PTPRR: variants seen among roughly 807,000 people sequenced by gnomAD.
PTPRR encodes protein tyrosine phosphatase receptor type R, also known as receptor-type tyrosine-protein phosphatase R.
Under a neutral mutation model 77.2 loss-of-function variants are expected in PTPRR, and 38 were observed. The ratio of observed to expected loss-of-function variants is 0.49; its 90% confidence interval spans 0.38 to 0.65. The LOEUF (loss-of-function observed/expected upper bound fraction) is 0.65. Ranked by LOEUF, PTPRR falls within the 30% of genes least tolerant of loss-of-function variation. The pLI is 0.00. For missense variants in PTPRR, 744 were observed against 799.2 expected (o/e 0.93, Z 0.83); for synonymous variants, 299 against 283.1 (o/e 1.06, Z -0.57).
At chr12:70,801,892 T>C (rs1891622550) in intron 2 of PTPRR, among the ~76,000 whole-genome samples, 1 of 152,190 alleles carries the variant, frequency 6.6e-6, no homozygotes, top group African/African-American at 2.4e-5. Context: ...GATATTATGA[T>C]TGAACTCTTC....
chr12:70,672,561 C>T (rs1339226344), intron 10 of PTPRR: 28 of 1,359,844 alleles, frequency 2.1e-5, no homozygotes, highest in African/African-American at 2.9e-5. Context: ...ACACCTTCTA[C>T]CCTCTGGGCC....
chr12:70,727,220 C>T (rs751347570), intron 6 of PTPRR, among the ~76,000 whole-genome samples: 8 of 142,546 alleles, frequency 5.6e-5, no homozygotes, highest in Admixed American at 3.5e-4. Flanking sequence ...TTCCTAGTCC[C>T]GATTTTTTTT....
At chr12:70,658,883 G>GTTT (rs746595856) in intron 12 of PTPRR, among the ~76,000 whole-genome samples, 1,121 of 36,982 alleles carry the variant, frequency 0.03, 122 homozygotes, top group Non-Finnish European at 0.036. Flanking sequence ...TTTTGCTCTA[G>GTTT]TTTTTTTTTT....
chr12:70,774,714 A>G (rs1284009434), intron 2 of PTPRR, among the ~76,000 whole-genome samples: 1 of 152,208 alleles, frequency 6.6e-6, no homozygotes, highest in Non-Finnish European at 1.5e-5. Context: ...ATATCTATGT[A>G]TTTGAAGGCC....
rs1366177548 is a variant in PTPRR at position 70,678,417 on chromosome 12, T to C, written c.1497+5710A>G. Among the ~76,000 whole-genome samples the C allele has an allele frequency of 3.9e-5, 6 of 152,180 alleles. No homozygotes were observed. The East Asian group carries it at 1.2e-3, about 29-fold the overall frequency. ...TTTTCTATTTCTTCATTGTTCAATC[T>C]TGGAAGGTTGCATGTGTCCAGGAAT... On this transcript the variant is annotated intron_variant, in intron 10 of 13. Transcript: ENST00000283228.
At chr12:70,708,321 G>A (rs1303604373) in intron 6 of PTPRR, among the ~76,000 whole-genome samples, 4 of 151,962 alleles carry the variant, frequency 2.6e-5, no homozygotes, top group Non-Finnish European at 5.9e-5. Flanking sequence ...TGCTTTGACG[G>A]TTTTTCCAGT....
At chr12:70,864,817 G>A (rs767160600) in intron 2 of PTPRR, among the ~76,000 whole-genome samples, 1 of 152,156 alleles carries the variant, frequency 6.6e-6, no homozygotes, top group East Asian at 1.9e-4. Context: ...TTTTGTTGCT[G>A]TTGTTGTTTT....
intron 2 of PTPRR, among the ~76,000 whole-genome samples, chr12:70,793,684 G>A (rs971876987): frequency 2.0e-5 from 3 of 152,182 alleles, no homozygotes; most frequent in Admixed American, 1.3e-4. Context: ...TCCATCAAAC[G>A]AGGGTAATTT....
chr12:70,911,918 C>T (rs954774142), intron 1 of PTPRR, among the ~76,000 whole-genome samples: 2 of 152,144 alleles, frequency 1.3e-5, no homozygotes, highest in Non-Finnish European at 2.9e-5. Context: ...ATGACACTCT[C>T]TAAGACTGCA....
intron 13 of PTPRR, among the ~76,000 whole-genome samples, chr12:70,643,866 C>T (rs1400043394): frequency 1.3e-5 from 2 of 151,982 alleles, no homozygotes; most frequent in Non-Finnish European, 2.9e-5. Flanking sequence ...GTCAACTGAT[C>T]TCCTTAGCCT....
intron 6 of PTPRR, among the ~76,000 whole-genome samples, chr12:70,721,192 T>C (rs1343418503): frequency 6.6e-6 from 1 of 152,198 alleles, no homozygotes; most frequent in Non-Finnish European, 1.5e-5. Flanking sequence ...AGTTCTCCAG[T>C]TAGAAATAGG....
At position 70,778,395 on chromosome 12, in the gene PTPRR, G is replaced by A. The variant is rs117229203; in HGVS notation, c.358-13617C>T. 6.2e-3 allele frequency among the ~76,000 whole-genome samples: 936 copies of A among 152,086 alleles called. 1 individual carries two copies. The highest frequency in any genetic ancestry group is 7.8e-3 in the Non-Finnish European group (529 of 67,986). On this transcript the variant is annotated intron_variant, in intron 2 of 13. Coordinates refer to ENST00000283228, the MANE Select transcript of PTPRR (RefSeq NM_002849.4). ...TCTTTGGGTTGATAGTGCCTGTAAT[G>A]TGGTATGCCGTTATAGTCTACAGAT... is the stretch of plus-strand genomic sequence containing the variant.
rs1452345171 is a variant in PTPRR at position 70,684,917 on chromosome 12, TC to T, written c.1280-135del. The T allele has an allele frequency of 1.4e-4, 80 of 584,350 alleles. 1 individual carries two copies. The highest frequency in any genetic ancestry group is 6.2e-5 in the Non-Finnish European group (21 of 338,212). The allele number at this position is 584,350 out of a possible 1,614,324, so 36.2% of individuals were successfully genotyped here. On this transcript the variant is annotated intron_variant, in intron 8 of 13. Transcript: ENST00000283228. ...TGCATGTCAATGTTTGTCTTTGGTG[TC>T]CATTGCTTGATCCATATGTTTATTG...
Position 70,685,091 on chromosome 12 carries a change from A to G in PTPRR, c.1280-308T>C, listed in dbSNP as rs550959024. ...GCCCACTCTTATACTTTTGATCTGG[A>G]ATTTGTACCAGGTCTCCTCACTCCC... On this transcript the variant is annotated intron_variant, in intron 8 of 13. Coordinates refer to ENST00000283228, the MANE Select transcript of PTPRR (RefSeq NM_002849.4). 1.9e-4 allele frequency among the ~76,000 whole-genome samples: 29 copies of G among 152,176 alleles called. No individual in the cohort carries two copies. The South Asian group carries it at 5.6e-3, about 29-fold the overall frequency.
intron 8 of PTPRR, among the ~76,000 whole-genome samples, chr12:70,693,530 G>T (rs2063615): frequency 0.17 from 25,293 of 151,838 alleles, 2,385 homozygotes; most frequent in East Asian, 0.3. Context: ...AACTTTTTTT[G>T]TGTGTGTGGA....
In PTPRR at chr12:70,750,558, T is replaced by C. The variant is rs193280870; in HGVS notation, c.738+3633A>G. Among the ~76,000 whole-genome samples, 3 of 152,318 alleles carry C rather than the reference T, an allele frequency of 2.0e-5. No individual in the cohort carries two copies. The East Asian group carries it at 5.8e-4, about 29-fold the overall frequency. On this transcript the variant is annotated intron_variant, in intron 5 of 13. Transcript: ENST00000283228. ...TTGAACACTTAGAAAGATGAGCTTA[T>C]TTTAGATAATCGCTTTGACATGTCC...
At chr12:70,683,266 A>G (rs769612709) in intron 10 of PTPRR, among the ~76,000 whole-genome samples, 2 of 152,200 alleles carry the variant, frequency 1.3e-5, no homozygotes, top group Non-Finnish European at 1.5e-5. Flanking sequence ...AATGCTGATT[A>G]AAATTAGACT....
intron 2 of PTPRR, among the ~76,000 whole-genome samples, chr12:70,829,906 A>T (rs1252906964): frequency 6.6e-6 from 1 of 152,222 alleles, no homozygotes; most frequent in Non-Finnish European, 1.5e-5. Flanking sequence ...TTTGGGATAC[A>T]TTGAGCAGAT....
chr12:70,733,202 G>A (rs756764031), intron 6 of PTPRR, among the ~76,000 whole-genome samples: 5 of 151,982 alleles, frequency 3.3e-5, no homozygotes, highest in Non-Finnish European at 7.4e-5. Context: ...TTGATACACT[G>A]TTGTTAAAAT....
Sources: gnomAD v4.1 joint callset for allele counts (sites outside exome capture counted in the v4.1 genomes callset) on GRCh38, gnomAD v4.1.1 for gene constraint, MANE v1.5 for transcripts, NCBI Gene and HGNC (gene_info 2026-07-23, HGNC 2026-07-21) for gene names.